The following GSAP variants were observed in gnomAD, a reference collection of about 807,000 sequenced individuals.
GSAP encodes gamma-secretase-activating protein.
GSAP carries 118 observed loss-of-function variants against 131.7 expected under a neutral mutation model. The ratio of observed to expected loss-of-function variants is 0.90; its 90% CI spans 0.77 to 1.04. The LOEUF is 1.04. GSAP is among the 50% of genes least tolerant of loss of function. GSAP has a pLI of 0.00. For missense variants in GSAP, 1,019 were observed against 1,013.2 expected (o/e 1.01, Z -0.08); for synonymous variants, 381 against 363.4 (o/e 1.05, Z -0.55).
chr7:77,328,422 C>G (rs1562910461), intron 22 of GSAP, 184 bp downstream of exon 22: 10 of 1,306,714 alleles, frequency 7.7e-6, no homozygotes, highest in Non-Finnish European at 9.7e-6. Context: ...CCCCGGAGGT[C>G]CTGGTGCCTA....
rs1562900196 is a variant in GSAP, at chr7:77,323,633, AAAGC to A, written c.1923+10_1923+13del. ...GTGAAGGGGCATATGAGGAGAATAA[AAAGC>A]AAGACCAACCAGTTTTGAAATGTAG... is the stretch of plus-strand genomic sequence containing the variant. On this transcript the variant is annotated intron_variant, in intron 24 of 30. Transcript: ENST00000257626. The A allele has an allele frequency of 6.8e-7, 1 of 1,469,164 alleles. No homozygotes were observed. The highest frequency in any genetic ancestry group is 1.2e-5 in the South Asian group (1 of 86,430). 91.0% of individuals were successfully genotyped at this position (1,469,164 alleles called of 1,614,324 possible).
chr7:77,384,350 C>T (rs937378508), intron 6 of GSAP, among the ~76,000 whole-genome samples: 6 of 152,186 alleles, frequency 3.9e-5, no homozygotes, highest in Non-Finnish European at 8.8e-5. Flanking sequence ...TTAAAAGTCC[C>T]GTTCAGGTAG....
At chr7:77,350,518 T>C (rs1792686185) in intron 18 of GSAP, among the ~76,000 whole-genome samples, 1 of 150,536 alleles carries the variant, frequency 6.6e-6, no homozygotes, top group African/African-American at 2.4e-5. Flanking sequence ...GGCAGATCAC[T>C]TTAGATCAAG....
At chr7:77,376,645 C>T (rs1032162058) in intron 10 of GSAP, among the ~76,000 whole-genome samples, 1 of 151,778 alleles carries the variant, frequency 6.6e-6, no homozygotes, top group Non-Finnish European at 1.5e-5. Context: ...GTCGTGGTGG[C>T]GGGTGCCTGT....
chr7:77,378,605 A>G (rs1332706733), intron 8 of GSAP, among the ~76,000 whole-genome samples: 1 of 152,204 alleles, frequency 6.6e-6, no homozygotes, highest in African/African-American at 2.4e-5. Flanking sequence ...AGTCAGAACT[A>G]TGGAACATTA....
rs1185607048 is a variant in GSAP at position 77,311,429 on chromosome 7, G to A, written c.2494C>T (p.His832Tyr). 1 of 1,608,742 alleles carries A rather than the reference G, an allele frequency of 6.2e-7. No individual in the cohort carries two copies. The highest frequency in any genetic ancestry group is 1.3e-5 in the African/African-American group (1 of 74,804). Residue 832 changes from histidine (H) to tyrosine (Y), a missense_variant, in exon 31 of 31, where the codon CAT becomes TAT. Physicochemically the swap from His to Tyr is moderately conservative, Grantham distance 83. Transcript: ENST00000257626. ...SNQALYPFEG[H>Y]DNVDAEFVEE... ...ACAAATTCTGCATCCACATTGTCATGTCCTTCAAAAGGATACAGGGCTGGA... is the reference window on the plus strand; with the variant it reads ...ACAAATTCTGCATCCACATTGTCATATCCTTCAAAAGGATACAGGGCTGGA...
intron 18 of GSAP, chr7:77,351,464 G>T: frequency 1.0e-6 from 1 of 974,452 alleles, no homozygotes; most frequent in East Asian, 1.1e-4. Context: ...AAAAATAAAT[G>T]ATTTGCATCA....
intron 21 of GSAP, among the ~76,000 whole-genome samples, chr7:77,328,996 C>T (rs1358201430): frequency 1.3e-5 from 2 of 150,526 alleles, no homozygotes; most frequent in Non-Finnish European, 3.0e-5. Context: ...AGCAAGCTCA[C>T]TAGCCCACTG....
chr7:77,354,345 G>C (rs1240174202), intron 16 of GSAP, among the ~76,000 whole-genome samples: 2 of 152,090 alleles, frequency 1.3e-5, no homozygotes, highest in Non-Finnish European at 2.9e-5. Context: ...GAGTGTCATT[G>C]GGTCAGTAAA....
intron 12 of GSAP, among the ~76,000 whole-genome samples, chr7:77,369,949 C>G (rs998502234): frequency 3.3e-5 from 5 of 151,514 alleles, no homozygotes; most frequent in Non-Finnish European, 7.4e-5. Flanking sequence ...AGCTTATTTT[C>G]TACCCTTCCA....
chr7:77,372,602 GATAC>G (rs1454776121), intron 12 of GSAP, among the ~76,000 whole-genome samples: 2 of 152,154 alleles, frequency 1.3e-5, no homozygotes. Context: ...AAAATAAAAT[GATAC>G]ATATATATAT....
intron 1 of GSAP, among the ~76,000 whole-genome samples, chr7:77,415,018 C>T (rs562840046): frequency 1.3e-4 from 20 of 151,982 alleles, no homozygotes; most frequent in Admixed American, 5.9e-4. Context: ...TCACCACGCC[C>T]AGCTAATTTT....
Position 77,371,958 on chromosome 7 carries a change from C to T in GSAP, c.871+2112G>A, listed in dbSNP as rs574780063. Among the ~76,000 whole-genome samples the T allele has an allele frequency of 7.2e-5, 11 of 152,278 alleles. No individual in the cohort carries two copies. The South Asian group carries it at 2.3e-3, about 32-fold the overall frequency. ...TCATAAGGGAGACATACAGTAGTTACCACTTAACCAAATGACCAGACTTAG... is the reference window on the plus strand; with the variant it reads ...TCATAAGGGAGACATACAGTAGTTATCACTTAACCAAATGACCAGACTTAG... On this transcript the variant is annotated intron_variant, in intron 12 of 30. Coordinates refer to ENST00000257626, the MANE Select transcript of GSAP (RefSeq NM_017439.4).
At chr7:77,320,340 G>A (rs1045841424) in intron 26 of GSAP, among the ~76,000 whole-genome samples, 35 of 152,276 alleles carry the variant, frequency 2.3e-4, no homozygotes, top group East Asian at 3.9e-4. Flanking sequence ...GCCTCCAAGC[G>A]TATAAGAATC....
chr7:77,366,297 G>T lies in GSAP; in HGVS notation c.872-3637C>A, dbSNP rs958261798. ...TGATTACTTTTGATGTCTTTGTTATGAAATATTTGCCCATTCCTATGACTA... is the reference window on the plus strand; with the variant it reads ...TGATTACTTTTGATGTCTTTGTTATTAAATATTTGCCCATTCCTATGACTA... On this transcript the variant is annotated intron_variant, in intron 12 of 30. Coordinates refer to ENST00000257626, the MANE Select transcript of GSAP (RefSeq NM_017439.4). Among the ~76,000 whole-genome samples the T allele has an allele frequency of 2.0e-5, 3 of 152,086 alleles. No homozygotes were observed. The East Asian group carries it at 5.8e-4, about 29-fold the overall frequency.
chr7:77,388,933 TG>T (rs1481457198), intron 5 of GSAP, among the ~76,000 whole-genome samples: 2 of 152,210 alleles, frequency 1.3e-5, no homozygotes, highest in Non-Finnish European at 2.9e-5. Context: ...ATCCAATGTT[TG>T]GTAAATGGGT....
chr7:77,388,484 T>C lies in GSAP; in HGVS notation c.368-1036A>G, dbSNP rs901199657. On this transcript the variant is annotated intron_variant, in intron 5 of 30. Transcript: ENST00000257626. ...GAGCAAATGCCATAAAATACAGCAA[T>C]CAGGAGGAAGTCCATGGACACAGGC... Among the ~76,000 whole-genome samples the C allele has an allele frequency of 1.6e-4, 25 of 152,118 alleles. 1 individual carries two copies. Among genetic ancestry groups the C allele is most frequent in the Admixed American group, 1.6e-3 (25 of 15,262 alleles).
intron 12 of GSAP, among the ~76,000 whole-genome samples, chr7:77,363,660 A>T (rs1467220026): frequency 6.6e-6 from 1 of 152,234 alleles, no homozygotes; most frequent in Non-Finnish European, 1.5e-5. Context: ...ATTCTGTTAT[A>T]ATATTTATCA....
intron 12 of GSAP, 127 bp downstream of exon 12, chr7:77,373,943 C>T: frequency 6.0e-6 from 4 of 662,810 alleles, no homozygotes; most frequent in Non-Finnish European, 1.1e-5. Flanking sequence ...CATGACAATC[C>T]ATATGATCAC....
Sources: gnomAD v4.1 joint callset for allele counts (sites outside exome capture counted in the v4.1 genomes callset) on GRCh38, gnomAD v4.1.1 for gene constraint, MANE v1.5 for transcripts, NCBI Gene and HGNC (gene_info 2026-07-23, HGNC 2026-07-21) for gene names.